The following AFTPH variants were observed in gnomAD, a reference collection of about 807,000 sequenced individuals.
The protein encoded by AFTPH is aftiphilin, also known as aftiphilin protein.
In AFTPH, 7 loss-of-function variants were observed where a neutral mutation model predicts 72.5. The observed-to-expected ratio is 0.10, with a 90% CI of 0.05 to 0.18. AFTPH has a LOEUF of 0.18. Among genes scored for constraint, AFTPH ranks in the 10% least tolerant of loss-of-function variants. The pLI is 1.00. For missense variants in AFTPH, 979 were observed against 1,060.5 expected (o/e 0.92, Z 1.07); for synonymous variants, 337 against 370.1 (o/e 0.91, Z 1.03).
chr2:64,583,656 C>CCCTTT (rs891846869), intron 7 of AFTPH, among the ~76,000 whole-genome samples: 1 of 152,250 alleles, frequency 6.6e-6, no homozygotes, highest in African/African-American at 2.4e-5. Flanking sequence ...CTCATGTAGT[C>CCCTTT]CCTTTACAGA....
intron 2 of AFTPH, among the ~76,000 whole-genome samples, chr2:64,567,010 C>A (rs1672126109): frequency 6.6e-6 from 1 of 152,062 alleles, no homozygotes; most frequent in East Asian, 1.9e-4. Context: ...TTGGTTTGTA[C>A]TGTTAGCAGC....
exon 2 of AFTPH, chr2:64,553,299 G>C (rs1270991652): frequency 6.2e-7 from 1 of 1,614,002 alleles, no homozygotes; most frequent in East Asian, 2.2e-5. Context: ...ACATAGGACA[G>C]ATGAAAATAT....
intron 7 of AFTPH, among the ~76,000 whole-genome samples, chr2:64,584,095 T>C (rs1401468356): frequency 1.3e-5 from 2 of 152,132 alleles, no homozygotes; most frequent in Non-Finnish European, 2.9e-5. Context: ...CATTCTTCCT[T>C]AGAATTTTGC....
At chr2:64,567,868 C>G (rs1342910535) in intron 3 of AFTPH, among the ~76,000 whole-genome samples, 155 bp downstream of exon 3, 1 of 151,206 alleles carries the variant, frequency 6.6e-6, no homozygotes, top group Middle Eastern at 3.4e-3. Flanking sequence ...TGGTGAAACC[C>G]TGTCTCTACT....
intron 2 of AFTPH, among the ~76,000 whole-genome samples, chr2:64,564,758 T>C (rs1181465365): frequency 6.6e-6 from 1 of 152,214 alleles, no homozygotes; most frequent in Non-Finnish European, 1.5e-5. Context: ...TTGGCCTTAT[T>C]TATTACCCAA....
At chr2:64,547,307 G>C (rs915665939) in intron 1 of AFTPH, among the ~76,000 whole-genome samples, 45 of 152,292 alleles carry the variant, frequency 3.0e-4, no homozygotes, top group African/African-American at 1.0e-3. Flanking sequence ...TTACAGGCCA[G>C]TAATTTTGTA....
chr2:64,559,253 C>T (rs1223617445), intron 2 of AFTPH, among the ~76,000 whole-genome samples: 1 of 151,948 alleles, frequency 6.6e-6, no homozygotes, highest in South Asian at 2.1e-4. Context: ...TCCAGATAAA[C>T]AGAACCAATA....
chr2:64,581,162 C>T (rs996296042), intron 7 of AFTPH, 28 bp from the exon 8 acceptor site: 23 of 1,557,056 alleles, frequency 1.5e-5, no homozygotes, highest in Non-Finnish European at 1.9e-5. Flanking sequence ...TGTGTGGCTG[C>T]CTACCAACAC....
rs540778920 is a variant in AFTPH at position 64,570,690 on chromosome 2, A to G, written c.2271+1011A>G. On this transcript the variant is annotated intron_variant, in intron 5 of 8. Transcript: ENST00000238856. ...TCTTTTTCTCAAGGAGTAGCAATCC[A>G]GAGGTTGTTGATGTTATGGAACTAG... 3.3e-5 allele frequency among the ~76,000 whole-genome samples: 5 copies of G among 152,288 alleles called. No individual in the cohort carries two copies. The South Asian group carries it at 1.0e-3, about 32-fold the overall frequency.
intron 6 of AFTPH, among the ~76,000 whole-genome samples, chr2:64,578,662 A>G (rs541334825): frequency 2.0e-5 from 3 of 151,924 alleles, no homozygotes; most frequent in East Asian, 1.9e-4. Flanking sequence ...GGTTCAAGCA[A>G]TTCTCCTGCC....
At chr2:64,539,362 G>A (rs765525931) in intron 1 of AFTPH, among the ~76,000 whole-genome samples, 1 of 151,910 alleles carries the variant, frequency 6.6e-6, no homozygotes, top group Admixed American at 6.5e-5. Context: ...ACAAATTTTT[G>A]TCATTTAGCT....
Position 64,536,566 on chromosome 2 carries a change from TAAA to T in AFTPH, c.-33+11975_-33+11977del, listed in dbSNP as rs142981388. 6.2e-3 allele frequency among the ~76,000 whole-genome samples: 664 copies of T among 107,630 alleles called. 6 individuals are homozygous for T. Among genetic ancestry groups the T allele is most frequent in the African/African-American group, 0.018 (574 of 32,294 alleles). The allele number at this position is 107,630 out of a possible 152,430, so 70.6% of individuals were successfully genotyped here. The stretch of plus-strand genomic sequence containing the variant: ...GACAGAGCAGAGCGAGACTCCATCT[TAAA>T]AAAAAAAAAAAAAAAAAAAAGAATA... On this transcript the variant is annotated intron_variant, in intron 1 of 8. Transcript: ENST00000238856.
exon 1 of AFTPH, chr2:64,524,591 G>T: frequency 2.5e-6 from 1 of 398,754 alleles, no homozygotes; most frequent in Admixed American, 4.4e-5. Context: ...CATGCCCATC[G>T]CAGCCGCCCC....
intron 7 of AFTPH, among the ~76,000 whole-genome samples, chr2:64,582,621 C>T (rs750440242): frequency 2.6e-5 from 4 of 152,066 alleles, no homozygotes; most frequent in African/African-American, 4.8e-5. Flanking sequence ...AGAATACTTA[C>T]GGGGGGGTAG....
chr2:64,579,573 A>G, intron 7 of AFTPH, 27 bp downstream of exon 7: 1 of 1,590,084 alleles, frequency 6.3e-7, no homozygotes, highest in Non-Finnish European at 8.6e-7. Context: ...AGCCTCTAGC[A>G]CCAGAGCTAG....
chr2:64,558,205 A>G (rs1671506785), intron 2 of AFTPH, among the ~76,000 whole-genome samples: 1 of 152,226 alleles, frequency 6.6e-6, no homozygotes, highest in African/African-American at 2.4e-5. Context: ...CTAAGCAAGA[A>G]AGGAAAACTA....
intron 1 of AFTPH, among the ~76,000 whole-genome samples, chr2:64,544,178 TCTC>T (rs1379688611): frequency 6.6e-6 from 1 of 152,180 alleles, no homozygotes; most frequent in Non-Finnish European, 1.5e-5. Context: ...TGTCCCCTAA[TCTC>T]CTGATAAGGA....
chr2:64,524,411 C>T (rs1185342843), exon 1 of AFTPH: 3 of 404,656 alleles, frequency 7.4e-6, no homozygotes, highest in Non-Finnish European at 1.3e-5. Context: ...CGGAAGAGGG[C>T]GGAGGGTAGT....
chr2:64,543,841 T>TA (rs1409136880), intron 1 of AFTPH, among the ~76,000 whole-genome samples: 4 of 152,216 alleles, frequency 2.6e-5, no homozygotes, highest in Admixed American at 2.0e-4. Context: ...GCTTACAACT[T>TA]ACAGACTCAT....
Sources: gnomAD v4.1 joint callset for allele counts (sites outside exome capture counted in the v4.1 genomes callset) on GRCh38, gnomAD v4.1.1 for gene constraint, MANE v1.5 for transcripts, NCBI Gene and HGNC (gene_info 2026-07-23, HGNC 2026-07-21) for gene names.